ZNF563: variants seen among roughly 807,000 people sequenced by gnomAD.
The protein encoded by ZNF563 is zinc finger protein 563.
ZNF563 carries 39 observed loss-of-function variants against 48.5 expected under a neutral mutation model. The ratio of observed to expected loss-of-function variants is 0.80; its 90% CI spans 0.62 to 1.05. The LOEUF (loss-of-function observed/expected upper bound fraction) is 1.05. Ranked by LOEUF, ZNF563 falls within the 50% of genes least tolerant of loss-of-function variation. The pLI, the probability that ZNF563 is intolerant of heterozygous loss-of-function variation, is 0.00. For missense variants in ZNF563, 538 were observed against 597.0 expected (o/e 0.90, Z 1.03); for synonymous variants, 168 against 187.9 (o/e 0.89, Z 0.87).
intron 1 of ZNF563, among the ~76,000 whole-genome samples, chr19:12,324,720 GAA>G (rs61639995): frequency 0.043 from 2,454 of 56,654 alleles, 12 homozygotes; most frequent in African/African-American, 0.066. Flanking sequence ...TCCGTCTCAA[GAA>G]AAAAAAAAAA....
chr19:12,318,421 A>T lies in ZNF563; in HGVS notation c.*173T>A. 2 of 772,220 alleles carry T rather than the reference A, an allele frequency of 2.6e-6. No individual in the cohort carries two copies. The highest frequency in any genetic ancestry group is 4.1e-5 in the South Asian group (2 of 49,110). The allele number at this position is 772,220 out of a possible 1,614,324, so 47.8% of individuals were successfully genotyped here. A position where few individuals can be genotyped will look rare whatever the true frequency, so the allele number is the denominator to read the frequency against. On this transcript the variant is annotated 3_prime_UTR_variant, in exon 4 of 4. Transcript: ENST00000293725. ...AAAAAAAAATCGATCACTTTCCCAC[A>T]TTCCTTATATCATACAGCATCTCTC...
intron 2 of ZNF563, 32 bp from the exon 3 acceptor site, chr19:12,321,364 T>G: frequency 7.1e-7 from 1 of 1,416,354 alleles, no homozygotes; most frequent in Non-Finnish European, 9.5e-7. Context: ...TCACTATACA[T>G]TATTAGAAAA....
the ZNF563 span, among the ~76,000 whole-genome samples, chr19:12,344,379 A>G: frequency 1.3e-5 from 2 of 151,412 alleles, no homozygotes; most frequent in Non-Finnish European, 2.9e-5. Flanking sequence ...AAAAAAAAAA[A>G]AGTGGGATTT....
chr19:12,336,197 G>A (rs1160537949), upstream of ZNF563, among the ~76,000 whole-genome samples: 1 of 152,134 alleles, frequency 6.6e-6, no homozygotes, highest in African/African-American at 2.4e-5. Context: ...ATGGTGCCTT[G>A]GGCCTGTAAT....
At chr19:12,335,901 C>T (rs750766668), upstream of ZNF563, among the ~76,000 whole-genome samples, 8 of 152,180 alleles carry the variant, frequency 5.3e-5, no homozygotes, top group African/African-American at 1.4e-4. Flanking sequence ...TGGATATACG[C>T]GTTAAATAAA....
In ZNF563 at chr19:12,318,753, C is replaced by G. The variant is rs747712222; in HGVS notation, c.1272G>C (p.Lys424Asn). The change falls in exon 4 of 4, where the codon AAG becomes AAC. Residue 424 changes from lysine (K) to asparagine (N), a missense_variant. By Grantham distance (94) the Lys-to-Asn change is moderately conservative. Coordinates refer to ENST00000293725, the MANE Select transcript of ZNF563 (RefSeq NM_145276.3). Reference protein sequence around the residue: ...SHSGEKPYECKQCGKALSHSS... With the variant: ...SHSGEKPYECNQCGKALSHSS... ...TATGAGATAACGCTTTCCCACACTGCTTGCATTCATAGGGTTTCTCTCCAC... is the reference window on the plus strand; with the variant it reads ...TATGAGATAACGCTTTCCCACACTGGTTGCATTCATAGGGTTTCTCTCCAC... 2 of 1,614,140 alleles carry G rather than the reference C, an allele frequency of 1.2e-6. No homozygotes were observed. Among genetic ancestry groups the G allele is most frequent in the Non-Finnish European group, 1.7e-6 (2 of 1,180,018 alleles).
chr19:12,321,883 TA>T (rs1968634621), intron 2 of ZNF563, among the ~76,000 whole-genome samples: 1 of 152,180 alleles, frequency 6.6e-6, no homozygotes, highest in Non-Finnish European at 1.5e-5. Context: ...AAGATAAGGA[TA>T]AAGACCTTTT....
chr19:12,324,665 C>T (rs1007753435), intron 1 of ZNF563, among the ~76,000 whole-genome samples: 4 of 144,904 alleles, frequency 2.8e-5, no homozygotes, highest in African/African-American at 1.0e-4. Flanking sequence ...TGCGGTGAGC[C>T]GAGATTGCGC....
At chr19:12,326,806 A>G (rs893152509) in intron 1 of ZNF563, among the ~76,000 whole-genome samples, 6 of 152,230 alleles carry the variant, frequency 3.9e-5, no homozygotes, top group African/African-American at 1.4e-4. Context: ...GACACAAGTT[A>G]GAAATTCACA....
At chr19:12,337,186 A>C (rs143401255), upstream of ZNF563, among the ~76,000 whole-genome samples, 1 of 152,068 alleles carries the variant, frequency 6.6e-6, no homozygotes, top group African/African-American at 2.4e-5. Context: ...GTCACCCCTT[A>C]CCACAACAGT....
At chr19:12,340,687 A>C in the ZNF563 span, among the ~76,000 whole-genome samples, 1 of 151,854 alleles carries the variant, frequency 6.6e-6, no homozygotes, top group African/African-American at 2.4e-5. Context: ...TGAGACAAGA[A>C]AATCACTGGA....
chr19:12,334,972 G>T (rs1969002116), upstream of ZNF563, among the ~76,000 whole-genome samples: 1 of 151,422 alleles, frequency 6.6e-6, no homozygotes, highest in Non-Finnish European at 1.5e-5. Context: ...CACATAAATG[G>T]TAAATTCTGA....
chr19:12,337,283 G>A (rs1329071959), upstream of ZNF563, among the ~76,000 whole-genome samples: 1 of 152,022 alleles, frequency 6.6e-6, no homozygotes, highest in African/African-American at 2.4e-5. Context: ...GCTCACTGCA[G>A]CCTCAACCTC....
the ZNF563 span, among the ~76,000 whole-genome samples, chr19:12,345,598 T>C: frequency 1.3e-5 from 2 of 152,168 alleles, no homozygotes; most frequent in Non-Finnish European, 2.9e-5. Flanking sequence ...ATCAAAGACC[T>C]ATACTTAAAA....
the ZNF563 span, among the ~76,000 whole-genome samples, chr19:12,342,083 T>A: frequency 6.6e-6 from 1 of 152,168 alleles, no homozygotes. Context: ...ATGACCACAG[T>A]TCACTGCAGC....
the ZNF563 span, chr19:12,347,292 C>T: frequency 6.6e-6 from 1 of 152,118 alleles, no homozygotes; most frequent in Non-Finnish European, 1.5e-5. Context: ...CACAGCTGAC[C>T]ACTCTCCCCA....
intron 1 of ZNF563, among the ~76,000 whole-genome samples, chr19:12,330,554 G>T (rs936762693): frequency 1.3e-5 from 2 of 152,134 alleles, no homozygotes; most frequent in African/African-American, 4.8e-5. Flanking sequence ...CAAAGTGATG[G>T]GTACAAAGTC....
At chr19:12,338,846 C>A in the ZNF563 span, among the ~76,000 whole-genome samples, 1 of 151,182 alleles carries the variant, frequency 6.6e-6, no homozygotes, top group African/African-American at 2.5e-5. Flanking sequence ...GACTGAGACT[C>A]CATCTCAAAA....
At chr19:12,337,656 C>T (rs1969034338), upstream of ZNF563, among the ~76,000 whole-genome samples, 1 of 151,966 alleles carries the variant, frequency 6.6e-6, no homozygotes, top group South Asian at 2.1e-4. Context: ...GTTAAGAAAC[C>T]AAAACATTCT....
Sources: gnomAD v4.1 joint callset for allele counts (sites outside exome capture counted in the v4.1 genomes callset) on GRCh38, gnomAD v4.1.1 for gene constraint, MANE v1.5 for transcripts, NCBI Gene and HGNC (gene_info 2026-07-23, HGNC 2026-07-21) for gene names.